SLC29A2: variants seen among roughly 807,000 people sequenced by gnomAD.
SLC29A2 encodes solute carrier family 29 member 2, also known as equilibrative nucleoside transporter 2.
In SLC29A2, 37 loss-of-function variants were observed where a neutral mutation model predicts 48.8. The ratio of observed to expected loss-of-function variants is 0.76; its 90% CI spans 0.58 to 1.00. SLC29A2 has a LOEUF of 1.00. Among genes scored for constraint, SLC29A2 ranks in the 50% least tolerant of loss-of-function variants. The probability of loss-of-function intolerance (pLI) is 0.00; values close to 1 mark genes in which losing one functional copy is unlikely to be tolerated. For synonymous variants in SLC29A2, 233 were observed against 261.7 expected, an observed-to-expected ratio of 0.89 and a Z score of 1.06; for missense variants, 533 against 578.6, an observed-to-expected ratio of 0.92 and a Z score of 0.81.
Position 66,366,003 on chromosome 11 carries a change from A to C in SLC29A2, c.992T>G (p.Ile331Ser), listed in dbSNP as rs1022711067. 1 of 1,614,200 alleles carries C rather than the reference A, an allele frequency of 6.2e-7. No homozygotes were observed. Among genetic ancestry groups the C allele is most frequent in the South Asian group, 1.1e-5 (1 of 91,090 alleles). ...PGKWSQFFNPICCFLLFNIMD... is the reference protein window; with the variant it reads ...PGKWSQFFNPSCCFLLFNIMD... Reference sequence around the variant, plus strand: ...GATGTTGAAGAGGAGGAAGCAGCAGATGGGGTTGAAGAACTGACCTGGGAG... The same window carrying C: ...GATGTTGAAGAGGAGGAAGCAGCAGCTGGGGTTGAAGAACTGACCTGGGAG... The change falls in exon 10 of 12, where the codon ATC becomes AGC. Residue 331 changes from isoleucine (I) to serine (S), a missense_variant. Coordinates refer to ENST00000357440, the MANE Select transcript of SLC29A2 (RefSeq NM_001532.3).
intron 7 of SLC29A2, 135 bp downstream of exon 7, chr11:66,367,329 C>G: frequency 1.3e-6 from 1 of 786,632 alleles, no homozygotes; most frequent in East Asian, 2.5e-5. Context: ...TACCAACTTC[C>G]CTTCATGATC....
chr11:66,370,965 G>A (rs1855999614), intron 2 of SLC29A2, among the ~76,000 whole-genome samples: 1 of 152,070 alleles, frequency 6.6e-6, no homozygotes, highest in Admixed American at 6.5e-5. Context: ...TGGGGTGACT[G>A]ACTCAGGAAT....
At position 66,364,305 on chromosome 11, in the gene SLC29A2, A is replaced by AT. The variant is rs1415474232; in HGVS notation, c.1178dup (p.Asp393GlufsTer15). The AT allele has an allele frequency of 6.2e-7, 1 of 1,613,870 alleles. No homozygotes were observed. Among genetic ancestry groups the AT allele is most frequent in the South Asian group, 1.1e-5 (1 of 91,058 alleles). The stretch of plus-strand genomic sequence containing the variant: ...GCAGCATGAAGGTGATGAAGTAGGC[A>AT]TCCTGTGGGAAGAGGATGGGCAGCC... On this transcript the variant is annotated frameshift_variant, in exon 11 of 12. Coordinates refer to ENST00000357440, the MANE Select transcript of SLC29A2 (RefSeq NM_001532.3). LOFTEE classifies it high-confidence loss of function.
chr11:66,367,889 G>T lies in SLC29A2; in HGVS notation c.551-20C>A, dbSNP rs76729689. 14 of 1,605,206 alleles carry T rather than the reference G, an allele frequency of 8.7e-6. No individual in the cohort carries two copies. Among genetic ancestry groups the T allele is most frequent in the Non-Finnish European group, 1.2e-5 (14 of 1,172,906 alleles). On this transcript the variant is annotated intron_variant, in intron 5 of 11. Coordinates refer to ENST00000357440, the MANE Select transcript of SLC29A2 (RefSeq NM_001532.3). Reference sequence around the variant, plus strand: ...CGCCACCTGCGGAGGAACTTCAGCTGCAGAAGAGAGGCACCTGGTCCCGCC... The same window carrying T: ...CGCCACCTGCGGAGGAACTTCAGCTTCAGAAGAGAGGCACCTGGTCCCGCC...
chr11:66,364,500 G>C, intron 10 of SLC29A2, 76 bp from the exon 11 acceptor site: 2 of 930,242 alleles, frequency 2.1e-6, no homozygotes, highest in Non-Finnish European at 3.1e-6. Context: ...CACCCATAGA[G>C]TACTTTTTTT....
intron 2 of SLC29A2, among the ~76,000 whole-genome samples, chr11:66,370,154 G>A (rs1057133105): frequency 3.3e-5 from 5 of 152,272 alleles, no homozygotes; most frequent in Non-Finnish European, 5.9e-5. Context: ...CATGGCTGTC[G>A]CCTCGGCCTG....
upstream of SLC29A2, chr11:66,371,894 A>C: frequency 2.0e-5 from 9 of 450,870 alleles, no homozygotes; most frequent in Non-Finnish European, 2.4e-5. Flanking sequence ...GGCCTGCGGA[A>C]CCCGCCCGCT....
chr11:66,364,503 CT>C (rs10605893), intron 10 of SLC29A2, 79 bp from the exon 11 acceptor site: 187,660 of 648,836 alleles, frequency 0.29, 7,584 homozygotes, highest in Admixed American at 0.35. Flanking sequence ...CCATAGAGTA[CT>C]TTTTTTTTTT....
chr11:66,369,664 G>A (rs1327430229), intron 2 of SLC29A2, 132 bp from the exon 3 acceptor site: 13 of 1,064,216 alleles, frequency 1.2e-5, no homozygotes, highest in Admixed American at 8.9e-5. Context: ...CCCAGCAGCC[G>A]GCACACAGTC....
At chr11:66,370,650 G>A (rs572369232) in intron 2 of SLC29A2, among the ~76,000 whole-genome samples, 9 of 152,292 alleles carry the variant, frequency 5.9e-5, no homozygotes, top group African/African-American at 1.9e-4. Flanking sequence ...GAGGTCAGGA[G>A]ATCGAGACCA....
At position 66,364,309 on chromosome 11, in the gene SLC29A2, T is replaced by C. The variant is rs1024407999; in HGVS notation, c.1175A>G (p.Gln392Arg). Residue 392 changes from glutamine to arginine, a missense_variant, in exon 11 of 12, where the codon CAG (glutamine) becomes CGG (arginine). Coordinates refer to ENST00000357440, the MANE Select transcript of SLC29A2 (RefSeq NM_001532.3). ...QRSRLPILFPQDAYFITFMLL... is the reference protein window; with the variant it reads ...QRSRLPILFPRDAYFITFMLL... Reference sequence around the variant, plus strand: ...CATGAAGGTGATGAAGTAGGCATCCTGTGGGAAGAGGATGGGCAGCCGGGA... The same window carrying C: ...CATGAAGGTGATGAAGTAGGCATCCCGTGGGAAGAGGATGGGCAGCCGGGA... The C allele has an allele frequency of 3.0e-5, 49 of 1,613,160 alleles. No homozygotes were observed. The highest frequency in any genetic ancestry group is 4.2e-5 in the Non-Finnish European group (49 of 1,179,620).
chr11:66,368,146 C>T (rs533259162), intron 5 of SLC29A2, among the ~76,000 whole-genome samples: 1 of 152,302 alleles, frequency 6.6e-6, no homozygotes, highest in Admixed American at 6.5e-5. Context: ...GGGAGCTATA[C>T]CAATCACGTC....
In SLC29A2 at chr11:66,362,708, C is replaced by T. The variant is rs961074068; in HGVS notation, c.*728G>A. The T allele has an allele frequency of 6.6e-6, 1 of 152,474 alleles. No individual in the cohort carries two copies. Among genetic ancestry groups the T allele is most frequent in the African/African-American group, 2.4e-5 (1 of 41,462 alleles). The allele number at this position is 152,474 out of a possible 1,614,324, so 9.4% of individuals were successfully genotyped here. A position where few individuals can be genotyped will look rare whatever the true frequency, so the allele number is the denominator to read the frequency against. On this transcript the variant is annotated 3_prime_UTR_variant, in exon 12 of 12. Coordinates refer to ENST00000357440, the MANE Select transcript of SLC29A2 (RefSeq NM_001532.3). Reference sequence around the variant, plus strand: ...GGTCCCGGCTCTACCACGGACCAGTCACTTTCCCCAGGACTCAGTTTTGTC... The same window carrying T: ...GGTCCCGGCTCTACCACGGACCAGTTACTTTCCCCAGGACTCAGTTTTGTC...
intron 11 of SLC29A2, 172 bp from the exon 12 acceptor site, chr11:66,363,719 A>G: frequency 1.5e-6 from 1 of 654,078 alleles, no homozygotes; most frequent in Non-Finnish European, 2.8e-6. Context: ...CTGCTGGATA[A>G]GGATGTCTCT....
At chr11:66,368,377 C>T (rs1409810619) in intron 5 of SLC29A2, among the ~76,000 whole-genome samples, 160 bp downstream of exon 5, 1 of 152,142 alleles carries the variant, frequency 6.6e-6, no homozygotes, top group Admixed American at 6.5e-5. Flanking sequence ...CTGCAGGGCC[C>T]ATGAGCCCCA....
chr11:66,366,223 C>CAGCCAGATCTGGG lies in SLC29A2; in HGVS notation c.868-5_875dup (p.Thr293ProfsTer119), dbSNP rs1855683352. 1 of 1,614,058 alleles carries CAGCCAGATCTGGG rather than the reference C, an allele frequency of 6.2e-7. No homozygotes were observed. Among genetic ancestry groups the CAGCCAGATCTGGG allele is most frequent in the East Asian group, 2.2e-5 (1 of 44,876 alleles). On this transcript the variant is annotated frameshift_variant, in exon 9 of 12. Transcript: ENST00000357440. LOFTEE classifies it high-confidence loss of function. ...AGACCAACACAAGGCACAGCGCTGT[C>CAGCCAGATCTGGG]AGCCAGATCTGGGAGCCAGAGGCAG...
intron 2 of SLC29A2, among the ~76,000 whole-genome samples, chr11:66,370,256 T>C (rs904262703): frequency 1.2e-4 from 19 of 152,152 alleles, no homozygotes; most frequent in Admixed American, 4.6e-4. Flanking sequence ...GAAGGAACTT[T>C]CTCCCTCCCC....
upstream of SLC29A2, chr11:66,372,336 TA>T (rs1433089255): frequency 2.0e-5 from 3 of 152,272 alleles, no homozygotes; most frequent in African/African-American, 7.2e-5. Flanking sequence ...GAAAAGACTA[TA>T]AATCATTAAT....
chr11:66,368,721 G>A, intron 4 of SLC29A2, 50 bp from the exon 5 acceptor site: 2 of 1,569,084 alleles, frequency 1.3e-6, no homozygotes, highest in South Asian at 1.2e-5. Context: ...AAGACTCAGA[G>A]GCTCCCTGGA....
Sources: allele counts gnomAD v4.1 joint callset (sites outside exome capture counted in the v4.1 genomes callset), GRCh38; gene constraint gnomAD v4.1.1; transcripts MANE v1.5; gene names NCBI Gene and HGNC (gene_info 2026-07-23, HGNC 2026-07-21).